Variants in HGSNAT observed in about 807,000 individuals in gnomAD.
HGSNAT encodes the protein transmembrane protein 76.
In HGSNAT, 59 loss-of-function variants were observed where a neutral mutation model predicts 85.2. That is an observed-to-expected ratio of 0.69 (90% CI 0.56 to 0.86). The LOEUF (loss-of-function observed/expected upper bound fraction) is 0.86, where lower values mean the gene tolerates loss of function less well. Among genes scored for constraint, HGSNAT ranks in the 40% least tolerant of loss-of-function variants. The pLI is 0.00. For synonymous variants in HGSNAT, 321 were observed against 304.5 expected, an observed-to-expected ratio of 1.05 and a Z score of -0.56; for missense variants, 756 against 777.1, an observed-to-expected ratio of 0.97 and a Z score of 0.32.
chr8:43,190,346 G>A (rs1804486136), intron 11 of HGSNAT, among the ~76,000 whole-genome samples: 2 of 152,116 alleles, frequency 1.3e-5, no homozygotes, highest in South Asian at 2.1e-4. Flanking sequence ...TTCAAGATAC[G>A]TAACTAGCAA....
chr8:43,144,305 A>G lies in HGSNAT; in HGVS notation c.119-2643A>G, dbSNP rs1276739676. ...TTGCCACTGCACTCCAGCCTGGGAG[A>G]CAGAGCGAGACTCTGTCTCAAAAAA... On this transcript the variant is annotated intron_variant, in intron 1 of 17. Coordinates refer to ENST00000379644, the MANE Select transcript of HGSNAT (RefSeq NM_152419.3). 1.2e-4 allele frequency among the ~76,000 whole-genome samples: 18 copies of G among 148,792 alleles called. No homozygotes were observed. The East Asian group carries it at 3.2e-3, about 26-fold the overall frequency.
chr8:43,191,612 G>T lies in HGSNAT; in HGVS notation c.1250+17G>T. On this transcript the variant is annotated intron_variant, in intron 12 of 17. Coordinates refer to ENST00000379644, the MANE Select transcript of HGSNAT (RefSeq NM_152419.3). ...GTGCCCTACGTAAGCGAACCCCTGG[G>T]GGTCATCCCTTGTGCATGTCCTGTT... is the stretch of plus-strand genomic sequence containing the variant. The T allele has an allele frequency of 1.2e-6, 2 of 1,612,922 alleles. No individual in the cohort carries two copies. Among genetic ancestry groups the T allele is most frequent in the Non-Finnish European group, 1.7e-6 (2 of 1,179,170 alleles).
Position 43,158,665 on chromosome 8 carries a change from T to A in HGSNAT, c.325T>A (p.Ser109Thr), listed in dbSNP as rs1313831195. Residue 109 changes from serine to threonine, a missense_variant, in exon 3 of 18, where the codon TCT becomes ACT. Transcript: ENST00000379644. Reference protein sequence around the residue: ...AAASVSTQHGSILQLNDTLEE... With the variant: ...AAASVSTQHGTILQLNDTLEE... The stretch of plus-strand genomic sequence containing the variant: ...TGCCTCTGTCAGCACCCAGCACGGA[T>A]CTATCCTGCAGCTGAACGACACCTT... 6.2e-7 allele frequency: 1 copy of A among 1,613,694 alleles called. No individual in the cohort carries two copies. Among genetic ancestry groups the A allele is most frequent in the Non-Finnish European group, 8.5e-7 (1 of 1,179,776 alleles).
intron 14 of HGSNAT, chr8:43,195,743 G>GGAAGAGGAGGAGGAGGGGTAGAGGAA (rs1178997018): frequency 1.9e-5 from 1 of 52,802 alleles, no homozygotes; most frequent in Admixed American, 1.8e-4. Flanking sequence ...AGGAAGAGGA[G>GGAAGAGGAGGAGGAGGGGTAGAGGAA]GAAGAGGAGG....
chr8:43,170,456 G>A (rs1449322157), intron 6 of HGSNAT, 129 bp from the exon 7 acceptor site: 1 of 812,762 alleles, frequency 1.2e-6, no homozygotes, highest in Non-Finnish European at 2.0e-6. Context: ...CTCCAGGCTG[G>A]GCCACAGAGC....
At chr8:43,195,867 G>T in intron 14 of HGSNAT, 1 of 156,086 alleles carries the variant, frequency 6.4e-6, no homozygotes. Context: ...GTGGACCTGC[G>T]CAGTTCAAAC....
intron 6 of HGSNAT, 75 bp from the exon 7 acceptor site, chr8:43,170,510 G>T: frequency 8.0e-7 from 1 of 1,244,050 alleles, no homozygotes; most frequent in Non-Finnish European, 1.1e-6. Flanking sequence ...ACAAAACAAA[G>T]AAATCAAAAA....
At position 43,199,500 on chromosome 8, in the gene HGSNAT, C is replaced by G. The variant is rs772611068; in HGVS notation, c.1839C>G (p.Ile613Met). 7.4e-6 allele frequency: 12 copies of G among 1,611,524 alleles called. No homozygotes were observed. The highest frequency in any genetic ancestry group is 4.0e-5 in the African/African-American group (3 of 74,848). The stretch of plus-strand genomic sequence containing the variant: ...ACAAGGAGCACCTGACTCAGAACAT[C>G]GTCGCCACTGCCCTCTGGGTGCTCA... ...QSHKEHLTQN[I>M]VATALWVLIA... Residue 613 changes from isoleucine to methionine, a missense_variant, in exon 18 of 18, where the codon ATC (isoleucine) becomes ATG (methionine). Physicochemically the swap from Ile to Met is conservative, Grantham distance 10. Coordinates refer to ENST00000379644, the MANE Select transcript of HGSNAT (RefSeq NM_152419.3).
intron 10 of HGSNAT, among the ~76,000 whole-genome samples, chr8:43,179,151 C>T (rs1803929015): frequency 6.8e-6 from 1 of 147,974 alleles, no homozygotes; most frequent in Non-Finnish European, 1.5e-5. Context: ...GGGGTCGTGG[C>T]CGGGCAGAGG....
chr8:43,155,608 C>T (rs533043163), intron 2 of HGSNAT, among the ~76,000 whole-genome samples: 22 of 152,156 alleles, frequency 1.4e-4, no homozygotes, highest in African/African-American at 5.3e-4. Flanking sequence ...AGTATAATCC[C>T]ATTTGTCTAG....
chr8:43,199,603 T>C lies in HGSNAT; in HGVS notation c.*34T>C, dbSNP rs752254965. 13 of 1,466,776 alleles carry C rather than the reference T, an allele frequency of 8.9e-6. 1 individual carries two copies. The South Asian group carries it at 1.5e-4, about 16-fold the overall frequency. 90.9% of individuals were successfully genotyped at this position (1,466,776 alleles called of 1,614,324 possible). On this transcript the variant is annotated 3_prime_UTR_variant, in exon 18 of 18. Coordinates refer to ENST00000379644, the MANE Select transcript of HGSNAT (RefSeq NM_152419.3). ...ACTGAGATGTGCTGCTGGAAGACTC[T>C]AGTAGGCCTGCAGGGAGGACTGAAG...
At chr8:43,176,058 C>T (rs115296198) in intron 9 of HGSNAT, among the ~76,000 whole-genome samples, 1,938 of 152,106 alleles carry the variant, frequency 0.013, 46 homozygotes, top group African/African-American at 0.043. Flanking sequence ...GATATGATCC[C>T]GTTTGTCCAT....
rs193200304 is a variant in HGSNAT at position 43,162,770 on chromosome 8, A to G, written c.563+1263A>G. On this transcript the variant is annotated intron_variant, in intron 5 of 17. Transcript: ENST00000379644. ...TTTTTAGTGGAGACGGGGTCTTGAT[A>G]TGTTGCCCAGGCTGGTCTTGAACTC... is the stretch of plus-strand genomic sequence containing the variant. Among the ~76,000 whole-genome samples, 119 of 151,012 alleles carry G rather than the reference A, an allele frequency of 7.9e-4. 2 individuals are homozygous for G. In the South Asian group the frequency reaches 0.017, roughly 21 times the overall value.
At chr8:43,155,081 T>C (rs1405218139) in intron 2 of HGSNAT, among the ~76,000 whole-genome samples, 1 of 152,230 alleles carries the variant, frequency 6.6e-6, no homozygotes, top group Non-Finnish European at 1.5e-5. Context: ...ATTTTCTTTC[T>C]TTTGGATCTA....
At position 43,140,614 on chromosome 8, in the gene HGSNAT, G is replaced by C. The variant is rs1385070594; in HGVS notation, c.118G>C (p.Asp40His). Residue 40 changes from aspartate (D) to histidine (H), a missense_variant and splice_region_variant, in exon 1 of 18, where the codon GAC (aspartate) becomes CAC (histidine). Physicochemically the swap from Asp to His is moderately conservative, Grantham distance 81. Coordinates refer to ENST00000379644, the MANE Select transcript of HGSNAT (RefSeq NM_152419.3). Reference protein sequence around the residue: ...GRDAQAAPPRDLDKKRHAELK... With the variant: ...GRDAQAAPPRHLDKKRHAELK... ...CGATGCCCAGGCCGCGCCGCCACGA[G>C]GTGAGTGCACACCTCCTACCGCCGC... The C allele has an allele frequency of 2.4e-6, 3 of 1,237,170 alleles. No individual in the cohort carries two copies. The highest frequency in any genetic ancestry group is 3.1e-6 in the Non-Finnish European group (3 of 979,276). The allele number at this position is 1,237,170 out of a possible 1,614,324, so 76.6% of individuals were successfully genotyped here.
At chr8:43,167,450 A>G (rs1048307677) in intron 5 of HGSNAT, among the ~76,000 whole-genome samples, 1 of 152,228 alleles carries the variant, frequency 6.6e-6, no homozygotes, top group Non-Finnish European at 1.5e-5. Context: ...TCCACCAGCA[A>G]AAAGATTAGA....
rs1377983886 is a variant in HGSNAT at position 43,197,944 on chromosome 8, T to C, written c.1718T>C (p.Phe573Ser). Reference protein sequence around the residue: ...VKGLWTGTPFFYPGMNSILVY... With the variant: ...VKGLWTGTPFSYPGMNSILVY... ...GGGCTGTGGACAGGAACCCCATTCT[T>C]TTATCCAGGTAAGTCACCTCCAACC... Residue 573 changes from phenylalanine to serine, a missense_variant, in exon 17 of 18, where the codon TTT becomes TCT. Phe to Ser is a radical substitution (Grantham distance 155). Transcript: ENST00000379644. 1.2e-6 allele frequency: 2 copies of C among 1,611,588 alleles called. No individual in the cohort carries two copies. Among genetic ancestry groups the C allele is most frequent in the Non-Finnish European group, 1.7e-6 (2 of 1,178,048 alleles).
chr8:43,174,979 A>G (rs937408059), intron 9 of HGSNAT, among the ~76,000 whole-genome samples: 9 of 152,164 alleles, frequency 5.9e-5, no homozygotes, highest in African/African-American at 2.2e-4. Flanking sequence ...TTTAATTTTT[A>G]GCTCCACAAA....
At chr8:43,143,064 A>T (rs1802601244) in intron 1 of HGSNAT, among the ~76,000 whole-genome samples, 1 of 152,140 alleles carries the variant, frequency 6.6e-6, no homozygotes, top group Non-Finnish European at 1.5e-5. Flanking sequence ...AAAACTGAAG[A>T]AGGGAAATGA....
Sources: allele counts gnomAD v4.1 joint callset (sites outside exome capture counted in the v4.1 genomes callset), GRCh38; gene constraint gnomAD v4.1.1; transcripts MANE v1.5; gene names NCBI Gene and HGNC (gene_info 2026-07-23, HGNC 2026-07-21).